The following PLCH1 variants were observed in gnomAD, a reference collection of about 807,000 sequenced individuals.
The protein encoded by PLCH1 is 1-phosphatidylinositol 4,5-bisphosphate phosphodiesterase eta-1.
PLCH1 carries 60 observed loss-of-function variants against 126.7 expected under a neutral mutation model. That is an observed-to-expected ratio of 0.47 (90% CI 0.38 to 0.59). The LOEUF (loss-of-function observed/expected upper bound fraction) is 0.59, where lower values mean the gene tolerates loss of function less well. Ranked by LOEUF, PLCH1 falls within the 20% of genes least tolerant of loss-of-function variation. The pLI is 0.00. For synonymous variants in PLCH1, 719 were observed against 734.9 expected, an observed-to-expected ratio of 0.98 and a Z score of 0.35; for missense variants, 1,723 against 2,040.0, an observed-to-expected ratio of 0.84 and a Z score of 2.99.
chr3:155,707,635 C>T lies in PLCH1; in HGVS notation c.-40-3371G>A, dbSNP rs192063335. Among the ~76,000 whole-genome samples, 6 of 151,002 alleles carry T rather than the reference C, an allele frequency of 4.0e-5. No homozygotes were observed. In the East Asian group the frequency reaches 1.2e-3, roughly 30 times the overall value. ...CCAAGACCATGCCACTGCACTCCAG[C>T]CTGGGCAACAAGAACAAAACTCCAT... is the stretch of plus-strand genomic sequence containing the variant. On this transcript the variant is annotated intron_variant, in intron 1 of 22. Transcript: ENST00000460012.
At chr3:155,579,276 A>G (rs1042962140) in intron 6 of PLCH1, among the ~76,000 whole-genome samples, 2 of 152,218 alleles carry the variant, frequency 1.3e-5, no homozygotes, top group African/African-American at 4.8e-5. Flanking sequence ...ACAGTCAAGT[A>G]TATGTGCGGA....
At position 155,596,367 on chromosome 3, in the gene PLCH1, T is replaced by G; in HGVS notation, c.91A>C (p.Met31Leu). 2 of 1,611,996 alleles carry G rather than the reference T, an allele frequency of 1.2e-6. No individual in the cohort carries two copies. The highest frequency in any genetic ancestry group is 1.7e-6 in the Non-Finnish European group (2 of 1,178,958). Residue 31 changes from methionine to leucine, a missense_variant, in exon 3 of 23, where the codon ATG becomes CTG. Met to Leu is a conservative substitution (Grantham distance 15, BLOSUM62 2). Around this residue, in one of 2 missense-constraint regions of PLCH1, gnomAD observed 776 missense variants for 1,062.9 expected, o/e 0.73. Coordinates refer to ENST00000460012, the MANE Select transcript of PLCH1 (RefSeq NM_014996.4). ...TGTGTCCCGGACTGCATCACACTCA[T>G]GCATCTTTCAACTGCAAAAGAAATT... ...DNSVFHVERCMSVMQSGTQMI... is the reference protein window; with the variant it reads ...DNSVFHVERCLSVMQSGTQMI...
downstream of PLCH1, among the ~76,000 whole-genome samples, chr3:155,475,412 C>T (rs1713496543): frequency 6.6e-6 from 1 of 151,030 alleles, no homozygotes; most frequent in Non-Finnish European, 1.5e-5. Flanking sequence ...TCTTAAAGAA[C>T]CAGAAAAGCA....
intron 2 of PLCH1, among the ~76,000 whole-genome samples, chr3:155,610,028 A>G (rs1734837828): frequency 6.6e-6 from 1 of 152,174 alleles, no homozygotes; most frequent in South Asian, 2.1e-4. Flanking sequence ...ACATCCAAAT[A>G]TAAGAAGCTC....
intron 12 of PLCH1, among the ~76,000 whole-genome samples, chr3:155,512,503 G>C (rs1719720373): frequency 6.6e-6 from 1 of 152,186 alleles, no homozygotes; most frequent in Non-Finnish European, 1.5e-5. Flanking sequence ...TGAGGATTAA[G>C]AACTTCCAAG....
intron 4 of PLCH1, among the ~76,000 whole-genome samples, chr3:155,592,403 G>A (rs939551512): frequency 5.3e-5 from 8 of 151,218 alleles, no homozygotes; most frequent in African/African-American, 9.7e-5. Context: ...GCTGAGGCAG[G>A]AGAATTGCTT....
intron 7 of PLCH1, 107 bp downstream of exon 7, chr3:155,568,124 A>C: frequency 1.7e-6 from 1 of 596,468 alleles, no homozygotes; most frequent in East Asian, 2.9e-5. Context: ...ATTTATTAAT[A>C]TAATCCCATG....
At position 155,480,774 on chromosome 3, in the gene PLCH1, T is replaced by C. The variant is rs561566260; in HGVS notation, c.*194A>G. The C allele has an allele frequency of 8.8e-6, 5 of 568,220 alleles. No homozygotes were observed. The highest frequency in any genetic ancestry group is 1.9e-5 in the African/African-American group (1 of 53,626). The allele number at this position is 568,220 out of a possible 1,614,324, so 35.2% of individuals were successfully genotyped here. A position where few individuals can be genotyped will look rare whatever the true frequency, so the allele number is the denominator to read the frequency against. ...ACAACTCAAGGGAGAAAGATCATAA[T>C]AGGTACATGGGAAATGTCACCAAAT... On this transcript the variant is annotated 3_prime_UTR_variant, in exon 23 of 23. Transcript: ENST00000460012.
chr3:155,458,484 A>G (rs574928350), intron 21 of PLCH1, among the ~76,000 whole-genome samples: 2 of 111,604 alleles, frequency 1.8e-5, no homozygotes, highest in African/African-American at 7.1e-5. Flanking sequence ...GAAAGAAAGA[A>G]AGAAAGAAAG....
intron 21 of PLCH1, among the ~76,000 whole-genome samples, chr3:155,460,076 T>C (rs770336545): frequency 3.9e-5 from 6 of 152,164 alleles, no homozygotes; most frequent in African/African-American, 9.7e-5. Flanking sequence ...TTAAGAATCA[T>C]TGAACCAGCG....
intron 10 of PLCH1, among the ~76,000 whole-genome samples, chr3:155,540,094 A>G (rs1724028427): frequency 6.6e-6 from 1 of 152,234 alleles, no homozygotes; most frequent in South Asian, 2.1e-4. Context: ...CCAAATACTT[A>G]CAGTGAACTG....
Position 155,485,542 on chromosome 3 carries a change from C to A in PLCH1, c.2788G>T (p.Glu930Ter). Residue 930 changes from glutamate to a stop codon, truncating the protein, a stop_gained, in exon 22 of 23, where the codon GAA (glutamate) becomes TAA (stop). Transcript: ENST00000460012. LOFTEE classifies it high-confidence loss of function. ...ACAGAATCCTTTATCTCCACCATTT[C>A]TTGGAAGCCCATTTTGCTCTTTTTC... ...GRKKSKMGFQ[E>*]MVEIKDSVSE... 6.2e-7 allele frequency: 1 copy of A among 1,614,224 alleles called. No homozygotes were observed.
chr3:155,640,633 G>A (rs1010424333), intron 2 of PLCH1, among the ~76,000 whole-genome samples: 3 of 152,064 alleles, frequency 2.0e-5, no homozygotes, highest in African/African-American at 7.2e-5. Context: ...AAATACATAG[G>A]CTATTTCTCT....
intron 1 of PLCH1, among the ~76,000 whole-genome samples, chr3:155,718,511 C>T (rs1022602090): frequency 2.6e-5 from 4 of 152,112 alleles, no homozygotes; most frequent in African/African-American, 9.7e-5. Context: ...GTTTAATTGG[C>T]TATGGTTCTG....
chr3:155,485,697 T>C lies in PLCH1; in HGVS notation c.2633A>G (p.Gln878Arg). The C allele has an allele frequency of 6.3e-7, 1 of 1,595,656 alleles. No homozygotes were observed. Among genetic ancestry groups the C allele is most frequent in the Admixed American group, 1.7e-5 (1 of 59,646 alleles). ...CTTATTGAACAGTCCCTTCAGACCCTGGAGTTGTCTGTTCTGAAGACACAA... is the reference window on the plus strand; with the variant it reads ...CTTATTGAACAGTCCCTTCAGACCCCGGAGTTGTCTGTTCTGAAGACACAA... ...NEIYGKNRQL[Q>R]GLKGLFNKNP... Residue 878 changes from glutamine (Q) to arginine (R), a missense_variant, in exon 22 of 23, where the codon CAG becomes CGG. Coordinates refer to ENST00000460012, the MANE Select transcript of PLCH1 (RefSeq NM_014996.4).
intron 7 of PLCH1, among the ~76,000 whole-genome samples, chr3:155,567,834 A>C (rs974395159): frequency 9.6e-6 from 1 of 104,336 alleles, no homozygotes; most frequent in Non-Finnish European, 2.8e-5. Flanking sequence ...AAATACAGTC[A>C]GTTGCTACCA....
chr3:155,511,868 G>T (rs1177840950), intron 12 of PLCH1, among the ~76,000 whole-genome samples: 1 of 152,066 alleles, frequency 6.6e-6, no homozygotes, highest in African/African-American at 2.4e-5. Context: ...CTTGAGTTGT[G>T]GTGGGCTCCA....
chr3:155,696,280 A>C (rs1405748505), intron 2 of PLCH1, among the ~76,000 whole-genome samples: 2 of 152,210 alleles, frequency 1.3e-5, no homozygotes, highest in African/African-American at 4.8e-5. Flanking sequence ...TATGGGGATG[A>C]CTTCATCCAC....
At chr3:155,619,728 G>A (rs1020676317) in intron 2 of PLCH1, among the ~76,000 whole-genome samples, 2 of 152,044 alleles carry the variant, frequency 1.3e-5, no homozygotes, top group African/African-American at 4.8e-5. Flanking sequence ...GGGACTAAAA[G>A]CTTCAGAGAC....
Sources: allele counts gnomAD v4.1 joint callset (sites outside exome capture counted in the v4.1 genomes callset), GRCh38; gene constraint gnomAD v4.1.1; regional missense constraint gnomAD v4.1.1; transcripts MANE v1.5; gene names NCBI Gene and HGNC (gene_info 2026-07-23, HGNC 2026-07-21).